Variants in MTCL1 observed in about 807,000 individuals in gnomAD.
MTCL1 encodes the protein microtubule cross-linking factor 1.
In MTCL1, 79 loss-of-function variants were observed where a neutral mutation model predicts 141.4. The observed-to-expected ratio is 0.56, with a 90% CI of 0.47 to 0.67. MTCL1 has a LOEUF of 0.67. MTCL1 is among the 30% of genes least tolerant of loss of function. The pLI, the probability that MTCL1 is intolerant of heterozygous loss-of-function variation, is 0.00. For synonymous variants in MTCL1, 914 were observed against 875.8 expected, an observed-to-expected ratio of 1.04 and a Z score of -0.77; for missense variants, 2,177 against 2,113.9, an observed-to-expected ratio of 1.03 and a Z score of -0.59.
chr18:8,813,990 T>C (rs1002930482), intron 12 of MTCL1, among the ~76,000 whole-genome samples: 13 of 152,260 alleles, frequency 8.5e-5, no homozygotes, highest in African/African-American at 3.1e-4. Flanking sequence ...GTATATATTT[T>C]GTTTATTTCA....
chr18:8,784,787 G>A lies in MTCL1; in HGVS notation c.1675G>A (p.Val559Met), dbSNP rs201915762. ...TAGCTTCCTCTCCACTGTGACTTCC[G>A]TGTCCCGGGACTCCCCCATCGGGAA... The change falls in exon 6 of 17, where the codon GTG becomes ATG. Residue 559 changes from valine to methionine, a missense_variant. By Grantham distance (21) the Val-to-Met change is conservative (BLOSUM62 1). Coordinates refer to ENST00000359865, the Ensembl canonical transcript of MTCL1. The A allele has an allele frequency of 9.9e-6, 16 of 1,612,992 alleles. No individual in the cohort carries two copies. The highest frequency in any genetic ancestry group is 1.3e-5 in the African/African-American group (1 of 74,904).
At chr18:8,819,327 G>T in intron 13 of MTCL1, 68 bp downstream of exon 12, 1 of 1,529,354 alleles carries the variant, frequency 6.5e-7, no homozygotes, top group Non-Finnish European at 8.9e-7. Context: ...AACCTAAGAG[G>T]CATCTGCCAG....
At chr18:8,787,952 C>T (rs960135341) in intron 7 of MTCL1, among the ~76,000 whole-genome samples, 8 of 152,126 alleles carry the variant, frequency 5.3e-5, no homozygotes, top group Non-Finnish European at 1.0e-4. Context: ...ACTCTGACAG[C>T]CTTGTTAGTT....
At chr18:8,785,623 C>T (rs770667278) in intron 6 of MTCL1, 32 of 336,050 alleles carry the variant, frequency 9.5e-5, no homozygotes, top group Middle Eastern at 8.9e-4. Flanking sequence ...TCTGGATTCA[C>T]GCATCGCCAT....
chr18:8,811,713 G>A (rs1434026093), intron 11 of MTCL1, among the ~76,000 whole-genome samples: 1 of 152,100 alleles, frequency 6.6e-6, no homozygotes, highest in Non-Finnish European at 1.5e-5. Flanking sequence ...GCACTGAGCT[G>A]CCATTTCTTC....
intron 4 of MTCL1, among the ~76,000 whole-genome samples, chr18:8,746,904 C>G (rs2096341731): frequency 6.6e-6 from 1 of 152,150 alleles, no homozygotes; most frequent in African/African-American, 2.4e-5. Context: ...GTTCTATTCT[C>G]AAAGAAAGGA....
intron 4 of MTCL1, among the ~76,000 whole-genome samples, chr18:8,756,971 G>A (rs1280456955): frequency 6.6e-6 from 1 of 152,186 alleles, no homozygotes; most frequent in African/African-American, 2.4e-5. Flanking sequence ...ACACCCTAGT[G>A]ATGAGTGAGG....
Position 8,720,280 on chromosome 18 carries a change from T to C in MTCL1, c.199-58T>C, listed in dbSNP as rs2096160732. The stretch of plus-strand genomic sequence containing the variant: ...TTTTGCCTCTGATGTTGTCTGATAG[T>C]ACCCTTAGCACACAAAAAGCCTCAT... On this transcript the variant is annotated intron_variant, in intron 3 of 16. Coordinates refer to ENST00000359865, the Ensembl canonical transcript of MTCL1. 7 of 1,570,246 alleles carry C rather than the reference T, an allele frequency of 4.5e-6. No individual in the cohort carries two copies. In the Admixed American group the frequency reaches 5.2e-5, roughly 12 times the overall value.
At chr18:8,817,704 C>T (rs2076703954) in intron 12 of MTCL1, among the ~76,000 whole-genome samples, 1 of 152,186 alleles carries the variant, frequency 6.6e-6, no homozygotes, top group African/African-American at 2.4e-5. Context: ...GGTCTCAGCA[C>T]TTGAGGACTT....
At chr18:8,798,572 C>T (rs531347946) in intron 10 of MTCL1, among the ~76,000 whole-genome samples, 1 of 152,158 alleles carries the variant, frequency 6.6e-6, no homozygotes, top group Admixed American at 6.5e-5. Context: ...CTGCTGGGGC[C>T]AGTGAATTGA....
chr18:8,766,403 T>C lies in MTCL1; in HGVS notation c.358-11430T>C, dbSNP rs189629007. ...GCTGCTGCAGGGACACTGTGTAGGCTCTGTGCCCTGGTCTGCATCAGAGGC... is the reference window on the plus strand; with the variant it reads ...GCTGCTGCAGGGACACTGTGTAGGCCCTGTGCCCTGGTCTGCATCAGAGGC... On this transcript the variant is annotated intron_variant, in intron 4 of 16. Coordinates refer to ENST00000359865, the Ensembl canonical transcript of MTCL1. 3.9e-5 allele frequency among the ~76,000 whole-genome samples: 6 copies of C among 151,964 alleles called. 1 individual carries two copies. The East Asian group carries it at 1.2e-3, about 30-fold the overall frequency.
At chr18:8,742,579 A>G (rs1157252511) in intron 4 of MTCL1, among the ~76,000 whole-genome samples, 1 of 152,134 alleles carries the variant, frequency 6.6e-6, no homozygotes, top group Non-Finnish European at 1.5e-5. Context: ...TATGGAGGAA[A>G]CCACCCTCAT....
chr18:8,707,412 G>C (rs893970006), intron 1 of MTCL1: 1 of 152,572 alleles, frequency 6.6e-6, no homozygotes, highest in African/African-American at 2.4e-5. Flanking sequence ...AAGGAATCGC[G>C]GCGCCTGCTG....
chr18:8,829,935 G>A (rs2077144223), intron 16 of MTCL1: 5 of 985,194 alleles, frequency 5.1e-6, no homozygotes, highest in African/African-American at 3.5e-5. Flanking sequence ...CAAAGAGGGG[G>A]TACTGAATGG....
chr18:8,758,182 C>A (rs1401680556), intron 4 of MTCL1, among the ~76,000 whole-genome samples: 1 of 152,080 alleles, frequency 6.6e-6, no homozygotes, highest in Non-Finnish European at 1.5e-5. Context: ...CACCACCATG[C>A]CTGGCTAATT....
chr18:8,831,892 T>C, exon 17 of MTCL1: 3 of 1,426,818 alleles, frequency 2.1e-6, no homozygotes, highest in Non-Finnish European at 2.9e-6. Flanking sequence ...ACAGGAGAGA[T>C]CTAGTTTTCT....
At chr18:8,818,004 C>T (rs926754178) in intron 12 of MTCL1, among the ~76,000 whole-genome samples, 3 of 152,288 alleles carry the variant, frequency 2.0e-5, no homozygotes, top group Non-Finnish European at 4.4e-5. Context: ...CTGCCTGCCT[C>T]AGCAGTTCCT....
exon 15 of MTCL1, chr18:8,825,928 C>G: frequency 6.2e-7 from 1 of 1,607,530 alleles, no homozygotes; most frequent in Non-Finnish European, 8.5e-7. Flanking sequence ...TCTCGCTCAG[C>G]AGAGCCCCGA....
intron 15 of MTCL1, among the ~76,000 whole-genome samples, chr18:8,827,094 G>A (rs1458232184): frequency 6.6e-5 from 10 of 152,202 alleles, no homozygotes; most frequent in African/African-American, 1.4e-4. Context: ...CCAGGAGTCC[G>A]GATGAACAGG....
Sources: allele counts gnomAD v4.1 joint callset (sites outside exome capture counted in the v4.1 genomes callset), GRCh38; gene constraint gnomAD v4.1.1; transcripts MANE v1.5; gene names NCBI Gene and HGNC (gene_info 2026-07-23, HGNC 2026-07-21).